Variants in JAZF1 observed in about 807,000 individuals in gnomAD.
The protein encoded by JAZF1 is juxtaposed with another zinc finger protein 1.
A neutral mutation model predicts 26.4 loss-of-function variants in JAZF1; 8 were observed. That is an observed-to-expected ratio of 0.30 (90% confidence interval 0.18 to 0.55). The LOEUF (loss-of-function observed/expected upper bound fraction) is 0.55, where lower values mean the gene tolerates loss of function less well. JAZF1 is among the 20% of genes least tolerant of loss of function. JAZF1 has a pLI of 0.94. For synonymous variants in JAZF1, 126 were observed against 122.3 expected, an observed-to-expected ratio of 1.03 and a Z score of -0.20; for missense variants, 199 against 322.0, an observed-to-expected ratio of 0.62 and a Z score of 2.92.
intron 1 of JAZF1, among the ~76,000 whole-genome samples, chr7:28,066,243 C>T (rs1049538289): frequency 1.3e-5 from 2 of 152,110 alleles, no homozygotes; most frequent in Non-Finnish European, 2.9e-5. Flanking sequence ...CTGCTGGATG[C>T]TTTGTTAAAA....
At chr7:27,871,114 G>A (rs945853098) in intron 3 of JAZF1, among the ~76,000 whole-genome samples, 3 of 152,200 alleles carry the variant, frequency 2.0e-5, no homozygotes, top group Non-Finnish European at 4.4e-5. Context: ...AAATAAAAAG[G>A]AGAGATTTTC....
rs1210012957 is a variant in JAZF1 at position 28,180,666 on chromosome 7, A to G, written c.-89T>C. The G allele has an allele frequency of 2.6e-4, 35 of 133,888 alleles. No homozygotes were observed. The highest frequency in any genetic ancestry group is 3.6e-4 in the Admixed American group (3 of 8,298). 8.3% of individuals were successfully genotyped at this position (133,888 alleles called of 1,614,324 possible). ...GGAGGCCGGGTGGGGTGAGGAGAGG[A>G]GGGGCTGGGGGAGGGGGAGAGAGGC... is the stretch of plus-strand genomic sequence containing the variant. On this transcript the variant is annotated 5_prime_UTR_variant, in exon 1 of 5. Transcript: ENST00000283928.
chr7:28,132,540 T>C (rs1782812011), intron 1 of JAZF1, among the ~76,000 whole-genome samples: 1 of 152,172 alleles, frequency 6.6e-6, no homozygotes, highest in Admixed American at 6.5e-5. Context: ...AGTGAAATTA[T>C]TGCGACGGCA....
In JAZF1 at chr7:27,981,377, A is replaced by C. The variant is rs140691331; in HGVS notation, c.188+10532T>G. Among the ~76,000 whole-genome samples, 4 of 152,352 alleles carry C rather than the reference A, an allele frequency of 2.6e-5. No individual in the cohort carries two copies. In the East Asian group the frequency reaches 7.7e-4, roughly 29 times the overall value. Reference sequence around the variant, plus strand: ...CCTATCTCTTCAACAAGTTATTGTCAATAAAAGGGACTGTGATTCCCTGAA... The same window carrying C: ...CCTATCTCTTCAACAAGTTATTGTCCATAAAAGGGACTGTGATTCCCTGAA... On this transcript the variant is annotated intron_variant, in intron 2 of 4. Transcript: ENST00000283928.
intron 1 of JAZF1, among the ~76,000 whole-genome samples, chr7:28,051,111 G>A (rs189293737): frequency 1.7e-5 from 2 of 120,148 alleles, no homozygotes; most frequent in Admixed American, 1.1e-4. Flanking sequence ...CAGCCCAGGC[G>A]ATAGTGCAAG....
intron 2 of JAZF1, among the ~76,000 whole-genome samples, chr7:27,963,641 A>G (rs1785223587): frequency 7.1e-6 from 1 of 141,006 alleles, no homozygotes; most frequent in African/African-American, 2.7e-5. Flanking sequence ...AGTTCACTGC[A>G]GCCTTGATCT....
intron 1 of JAZF1, among the ~76,000 whole-genome samples, chr7:28,075,758 TA>T (rs549827771): frequency 1.5e-4 from 23 of 151,358 alleles, no homozygotes; most frequent in East Asian, 1.2e-3. Flanking sequence ...TTTTTGCTAT[TA>T]AAAAAAAAGG....
At position 27,935,430 on chromosome 7, in the gene JAZF1, A is replaced by G. The variant is rs1784751258; in HGVS notation, c.189-40014T>C. Among the ~76,000 whole-genome samples, 3 of 152,342 alleles carry G rather than the reference A, an allele frequency of 2.0e-5. No individual in the cohort carries two copies. In the South Asian group the frequency reaches 6.2e-4, roughly 32 times the overall value. On this transcript the variant is annotated intron_variant, in intron 2 of 4. Transcript: ENST00000283928. ...GGATGAACCCTGAAAATGTCGTGCT[A>G]AATGAAAGCAGCCAGACACTTTAGG...
At chr7:28,110,033 CATTT>C (rs1251455510) in intron 1 of JAZF1, among the ~76,000 whole-genome samples, 1 of 152,174 alleles carries the variant, frequency 6.6e-6, no homozygotes, top group Non-Finnish European at 1.5e-5. Flanking sequence ...ACGTCACACA[CATTT>C]ATCAATAAAA....
chr7:27,933,933 T>C (rs1784724832), intron 2 of JAZF1, among the ~76,000 whole-genome samples: 1 of 152,194 alleles, frequency 6.6e-6, no homozygotes, highest in Non-Finnish European at 1.5e-5. Flanking sequence ...GGAAATGAGA[T>C]GTAAAAACTG....
At chr7:27,988,591 T>G (rs1216857079) in intron 2 of JAZF1, among the ~76,000 whole-genome samples, 1 of 152,122 alleles carries the variant, frequency 6.6e-6, no homozygotes, top group Admixed American at 6.6e-5. Context: ...GTTACACATA[T>G]GTACACTCTC....
chr7:27,915,444 C>T (rs1784431550), intron 2 of JAZF1, among the ~76,000 whole-genome samples: 1 of 152,106 alleles, frequency 6.6e-6, no homozygotes, highest in Non-Finnish European at 1.5e-5. Flanking sequence ...TGGGTTATTG[C>T]CTAATTAATC....
intron 1 of JAZF1, among the ~76,000 whole-genome samples, chr7:28,061,050 GC>G (rs1025580608): frequency 3.7e-4 from 56 of 152,344 alleles, no homozygotes; most frequent in African/African-American, 1.3e-3. Flanking sequence ...TAGCCAGGCA[GC>G]CTTGGGAAGT....
intron 2 of JAZF1, among the ~76,000 whole-genome samples, chr7:27,915,513 T>A (rs559213025): frequency 7.9e-4 from 121 of 152,242 alleles, no homozygotes; most frequent in Non-Finnish European, 1.3e-3. Flanking sequence ...AGGTATCATA[T>A]AACAATATGG....
intron 1 of JAZF1, among the ~76,000 whole-genome samples, chr7:28,022,063 G>A (rs949416284): frequency 2.0e-5 from 3 of 152,188 alleles, no homozygotes; most frequent in African/African-American, 7.2e-5. Flanking sequence ...TATGAGAGCC[G>A]CACCTGCTAG....
rs553184477 is a variant in JAZF1, at chr7:27,853,470, G to A, written c.386-12603C>T. Among the ~76,000 whole-genome samples, 25 of 152,270 alleles carry A rather than the reference G, an allele frequency of 1.6e-4. No individual in the cohort carries two copies. The East Asian group carries it at 3.3e-3, about 20-fold the overall frequency. On this transcript the variant is annotated intron_variant, in intron 3 of 4. Transcript: ENST00000283928. Reference sequence around the variant, plus strand: ...GTGAGCGTGTGGGTGGCCCTGCGACGGGAGGGTGTCCTGTCCAGAGTTGGT... The same window carrying A: ...GTGAGCGTGTGGGTGGCCCTGCGACAGGAGGGTGTCCTGTCCAGAGTTGGT...
chr7:28,008,321 T>C (rs1039594655), intron 1 of JAZF1, among the ~76,000 whole-genome samples: 1 of 152,098 alleles, frequency 6.6e-6, no homozygotes, highest in African/African-American at 2.4e-5. Flanking sequence ...GCTTAAGAGA[T>C]CCTCCCACCT....
intron 1 of JAZF1, among the ~76,000 whole-genome samples, chr7:28,093,842 A>C (rs1784340579): frequency 6.6e-6 from 1 of 152,224 alleles, no homozygotes; most frequent in Non-Finnish European, 1.5e-5. Context: ...ATGCCTGCAA[A>C]CAAGCCAATA....
chr7:27,852,752 T>C (rs143215204), intron 3 of JAZF1, among the ~76,000 whole-genome samples: 8 of 152,234 alleles, frequency 5.3e-5, no homozygotes, highest in African/African-American at 1.9e-4. Context: ...TCTGATATTA[T>C]AGCTACTGTT....
Sources: gnomAD v4.1 joint callset for allele counts (sites outside exome capture counted in the v4.1 genomes callset) on GRCh38, gnomAD v4.1.1 for gene constraint, MANE v1.5 for transcripts, NCBI Gene and HGNC (gene_info 2026-07-23, HGNC 2026-07-21) for gene names.